PPIA: variants seen among roughly 807,000 people sequenced by gnomAD.
PPIA encodes the protein peptidylprolyl isomerase A.
Under a neutral mutation model 15.3 loss-of-function variants are expected in PPIA, and 2 were observed. The observed-to-expected ratio is 0.13, with a 90% CI of 0.05 to 0.41. PPIA has a LOEUF of 0.41. Ranked by LOEUF, PPIA falls within the 10% of genes least tolerant of loss-of-function variation. PPIA has a pLI of 0.99. For missense variants in PPIA, 103 were observed against 210.3 expected, an observed-to-expected ratio of 0.49 and a Z score of 3.16; for synonymous variants, 67 against 73.1, an observed-to-expected ratio of 0.92 and a Z score of 0.43.
rs61732887 is a variant in PPIA at position 44,796,730 on chromosome 7, C to T, written c.6C>T (p.Val2=). 2.5e-6 allele frequency: 4 copies of T among 1,610,808 alleles called. No homozygotes were observed. The highest frequency in any genetic ancestry group is 1.7e-5 in the Admixed American group (1 of 59,962). M[V]NPTVFFDIAV... is the part of the protein sequence containing the mutation. ...AAAACCGTGTACTATTAGCCATGGT[C>T]AACCCCACCGTGTTCTTCGACATTG... The change falls in exon 1 of 5, where the codon GTC becomes GTT. Residue 2 remains valine (V), a synonymous_variant. Transcript: ENST00000468812.
chr7:44,801,316 A>T lies in PPIA; in HGVS notation c.392A>T (p.Lys131Ile). 6.2e-7 allele frequency: 1 copy of T among 1,613,282 alleles called. No homozygotes were observed. The highest frequency in any genetic ancestry group is 8.5e-7 in the Non-Finnish European group (1 of 1,179,690). ...GATGGCAAGCATGTGGTGTTTGGCA[A>T]AGTGAAAGAAGGCATGAATATTGTG... ...WLDGKHVVFG[K>I]VKEGMNIVEA... The change falls in exon 5 of 5, where the codon AAA becomes ATA. Residue 131 changes from lysine to isoleucine, a missense_variant. Transcript: ENST00000468812.
chr7:44,797,870 A>G (rs1583688996), intron 1 of PPIA: 1 of 152,202 alleles, frequency 6.6e-6, no homozygotes, highest in South Asian at 2.1e-4. Context: ...CCGAAAATAG[A>G]TTGATCCTCA....
rs1792373530 is a variant in PPIA at position 44,796,698 on chromosome 7, G to T, written c.-27G>T. 11 of 1,607,406 alleles carry T rather than the reference G, an allele frequency of 6.8e-6. No homozygotes were observed. The highest frequency in any genetic ancestry group is 9.3e-6 in the Non-Finnish European group (11 of 1,176,518). On this transcript the variant is annotated 5_prime_UTR_variant, in exon 1 of 5. Coordinates refer to ENST00000468812, the MANE Select transcript of PPIA (RefSeq NM_021130.5). Reference sequence around the variant, plus strand: ...CTCGTGCCGTTTTGCAGACGCCACCGCCGAGGAAAACCGTGTACTATTAGC... The same window carrying T: ...CTCGTGCCGTTTTGCAGACGCCACCTCCGAGGAAAACCGTGTACTATTAGC...
At chr7:44,800,177 C>G (rs1435447618) in intron 4 of PPIA, among the ~76,000 whole-genome samples, 1 of 152,148 alleles carries the variant, frequency 6.6e-6, no homozygotes, top group Non-Finnish European at 1.5e-5. Context: ...CAACCTCTGC[C>G]TCCTGGGTTC....
intron 1 of PPIA, 106 bp downstream of exon 1, chr7:44,796,899 G>T (rs1294674021): frequency 1.7e-6 from 2 of 1,206,482 alleles, no homozygotes; most frequent in Non-Finnish European, 2.2e-6. Flanking sequence ...CTGCTTGAGG[G>T]GCGAGCGCGG....
intron 1 of PPIA, chr7:44,798,015 C>G (rs1792432242): frequency 6.6e-6 from 1 of 152,186 alleles, no homozygotes; most frequent in Non-Finnish European, 1.5e-5. Context: ...TGGTAAGTGA[C>G]AAGGGCTTTC....
Position 44,796,683 on chromosome 7 carries a change from T to G in PPIA, c.-42T>G, listed in dbSNP as rs1792371967. ...GGGCGGGAGGCCAGGCTCGTGCCGT[T>G]TTGCAGACGCCACCGCCGAGGAAAA... On this transcript the variant is annotated 5_prime_UTR_variant, in exon 1 of 5. Coordinates refer to ENST00000468812, the MANE Select transcript of PPIA (RefSeq NM_021130.5). 6.3e-7 allele frequency: 1 copy of G among 1,596,794 alleles called. No individual in the cohort carries two copies. Among genetic ancestry groups the G allele is most frequent in the African/African-American group, 1.4e-5 (1 of 73,984 alleles).
At chr7:44,799,112 G>A (rs917428843) in intron 1 of PPIA, 135 bp from the exon 2 acceptor site, 2 of 1,198,286 alleles carry the variant, frequency 1.7e-6, no homozygotes, top group Non-Finnish European at 2.3e-6. Context: ...GTCAGGAGCA[G>A]TTCTTGGGAA....
intron 2 of PPIA, 35 bp downstream of exon 2, chr7:44,799,312 C>G (rs755102571): frequency 6.2e-7 from 1 of 1,611,710 alleles, no homozygotes; most frequent in Admixed American, 1.7e-5. Context: ...AAAGATGTTC[C>G]AATTGTGACA....
chr7:44,801,071 C>T (rs1792543139), intron 4 of PPIA, among the ~76,000 whole-genome samples: 1 of 152,088 alleles, frequency 6.6e-6, no homozygotes, highest in Non-Finnish European at 1.5e-5. Flanking sequence ...CCCGCCTTGG[C>T]CTCCCAAAGT....
At chr7:44,799,017 A>ATT (rs1242559808) in intron 1 of PPIA, 19 of 1,161,942 alleles carry the variant, frequency 1.6e-5, no homozygotes, top group Non-Finnish European at 2.1e-5. Flanking sequence ...AAGTCTCACT[A>ATT]TTTAAGTTAT....
Position 44,796,714 on chromosome 7 carries a change from T to C in PPIA, c.-11T>C, listed in dbSNP as rs754543292. ...GACGCCACCGCCGAGGAAAACCGTGTACTATTAGCCATGGTCAACCCCACC... is the reference window on the plus strand; with the variant it reads ...GACGCCACCGCCGAGGAAAACCGTGCACTATTAGCCATGGTCAACCCCACC... On this transcript the variant is annotated 5_prime_UTR_variant, in exon 1 of 5. Coordinates refer to ENST00000468812, the MANE Select transcript of PPIA (RefSeq NM_021130.5). 6.2e-7 allele frequency: 1 copy of C among 1,610,246 alleles called. No homozygotes were observed.
At chr7:44,799,323 GT>G (rs1792473886) in intron 2 of PPIA, 46 bp downstream of exon 2, 4 of 1,608,202 alleles carry the variant, frequency 2.5e-6, no homozygotes, top group Non-Finnish European at 3.4e-6. Context: ...AATTGTGACA[GT>G]TTGTGTGTGT....
Position 44,799,610 on chromosome 7 carries a change from G to T in PPIA, c.190-92G>T, listed in dbSNP as rs77559738. On this transcript the variant is annotated intron_variant, in intron 3 of 4. Coordinates refer to ENST00000468812, the MANE Select transcript of PPIA (RefSeq NM_021130.5). ...CGGTTCTATTTAACCCTTCTATTCA[G>T]TTTGAACTTGGGTTTAAAGTTTGAA... 95 of 1,583,064 alleles carry T rather than the reference G, an allele frequency of 6.0e-5. No individual in the cohort carries two copies. In the African/African-American group the frequency reaches 1.2e-3, roughly 20 times the overall value.
At chr7:44,799,325 T>TTGTGTG in intron 2 of PPIA, 48 bp downstream of exon 2, 1 of 1,601,692 alleles carries the variant, frequency 6.2e-7, no homozygotes, top group Admixed American at 1.7e-5. Context: ...TTGTGACAGT[T>TTGTGTG]TGTGTGTGTG....
chr7:44,798,040 T>G (rs931392725), intron 1 of PPIA: 2 of 152,208 alleles, frequency 1.3e-5, no homozygotes, highest in African/African-American at 4.8e-5. Flanking sequence ...AAACTTGGCC[T>G]GACCTAATGT....
At chr7:44,798,627 A>C (rs913242101) in intron 1 of PPIA, 1 of 591,526 alleles carries the variant, frequency 1.7e-6, no homozygotes, top group African/African-American at 2.0e-5. Context: ...TTTTTATGAA[A>C]GGGCTTGTAA....
At chr7:44,799,656 T>C in intron 3 of PPIA, 46 bp from the exon 4 acceptor site, 2 of 1,611,392 alleles carry the variant, frequency 1.2e-6, no homozygotes, top group Non-Finnish European at 1.7e-6. Flanking sequence ...TTGGCACACT[T>C]CATGGTTATG....
intron 3 of PPIA, 97 bp from the exon 4 acceptor site, chr7:44,799,605 A>G (rs558095659): frequency 6.3e-7 from 1 of 1,578,528 alleles, no homozygotes; most frequent in Admixed American, 1.7e-5. Context: ...TAACCCTTCT[A>G]TTCAGTTTGA....
Sources: gnomAD v4.1 joint callset for allele counts (sites outside exome capture counted in the v4.1 genomes callset) on GRCh38, gnomAD v4.1.1 for gene constraint, MANE v1.5 for transcripts, NCBI Gene and HGNC (gene_info 2026-07-23, HGNC 2026-07-21) for gene names.